Variants in SLC8A3 observed in about 807,000 individuals in gnomAD.
The protein encoded by SLC8A3 is solute carrier family 8 member A3, also known as sodium/calcium exchanger 3.
A neutral mutation model predicts 65.4 loss-of-function variants in SLC8A3; 37 were observed. The observed-to-expected ratio is 0.57, with a 90% CI of 0.44 to 0.74. The LOEUF (loss-of-function observed/expected upper bound fraction) is 0.74. SLC8A3 is among the 30% of genes least tolerant of loss of function. SLC8A3 has a pLI of 0.00. For missense variants in SLC8A3, 1,112 were observed against 1,172.1 expected, an observed-to-expected ratio of 0.95 and a Z score of 0.75; for synonymous variants, 461 against 444.5, an observed-to-expected ratio of 1.04 and a Z score of -0.47.
At chr14:70,131,753 C>T (rs777418991) in intron 2 of SLC8A3, among the ~76,000 whole-genome samples, 7 of 152,068 alleles carry the variant, frequency 4.6e-5, no homozygotes, top group East Asian at 1.9e-4. Flanking sequence ...ATTGTATATG[C>T]GTGAAAATCA....
chr14:70,124,430 C>T (rs1894298970), intron 2 of SLC8A3, among the ~76,000 whole-genome samples: 1 of 152,252 alleles, frequency 6.6e-6, no homozygotes, highest in Non-Finnish European at 1.5e-5. Flanking sequence ...CTGCTTCTCA[C>T]ATTGTCCCTT....
intron 2 of SLC8A3, among the ~76,000 whole-genome samples, chr14:70,162,517 T>A (rs949471490): frequency 1.3e-5 from 2 of 152,204 alleles, no homozygotes; most frequent in African/African-American, 2.4e-5. Context: ...TTATAATAGA[T>A]CTTGGCATTT....
rs537498371 is a variant in SLC8A3 at position 70,174,171 on chromosome 14, C to T, written c.-62-5687G>A. On this transcript the variant is annotated intron_variant, in intron 1 of 6. Coordinates refer to ENST00000356921, the MANE Select transcript of SLC8A3 (RefSeq NM_182932.3). Reference sequence around the variant, plus strand: ...GCTTGACACATACCCTAGGTTTGAGCGCCCCTTCGAGCAAAGGCTCAAGGA... The same window carrying T: ...GCTTGACACATACCCTAGGTTTGAGTGCCCCTTCGAGCAAAGGCTCAAGGA... Among the ~76,000 whole-genome samples the T allele has an allele frequency of 2.0e-5, 3 of 152,316 alleles. No homozygotes were observed. In the South Asian group the frequency reaches 6.2e-4, roughly 32 times the overall value.
intron 2 of SLC8A3, among the ~76,000 whole-genome samples, chr14:70,099,801 G>T (rs1892444613): frequency 6.6e-6 from 1 of 152,212 alleles, no homozygotes; most frequent in Non-Finnish European, 1.5e-5. Flanking sequence ...TGCTTCCCAT[G>T]GGTGCAGGGA....
At position 70,166,718 on chromosome 14, in the gene SLC8A3, C is replaced by T; in HGVS notation, c.1705G>A (p.Val569Ile). ...RGTVIVPFRTVEGTAKGGGED... is the reference protein window; with the variant it reads ...RGTVIVPFRTIEGTAKGGGED... The stretch of plus-strand genomic sequence containing the variant: ...CCGCCACCCTTGGCTGTCCCTTCTA[C>T]TGTCCTAAAGGGGACGATGACTGTA... The change falls in exon 2 of 7, where the codon GTA (valine) becomes ATA (isoleucine). Residue 569 changes from valine (V) to isoleucine (I), a missense_variant. Coordinates refer to ENST00000356921, the MANE Select transcript of SLC8A3 (RefSeq NM_182932.3). 5 of 1,614,026 alleles carry T rather than the reference C, an allele frequency of 3.1e-6. No homozygotes were observed. Among genetic ancestry groups the T allele is most frequent in the Non-Finnish European group, 4.2e-6 (5 of 1,179,904 alleles).
chr14:70,066,024 C>T (rs1889386623), intron 2 of SLC8A3, among the ~76,000 whole-genome samples: 2 of 152,218 alleles, frequency 1.3e-5, no homozygotes, highest in Non-Finnish European at 1.5e-5. Context: ...CATAGCATGG[C>T]TCGTGCTGTT....
Position 70,168,378 on chromosome 14 carries a change from A to G in SLC8A3, c.45T>C (p.His15=). Residue 15 remains histidine (H), a synonymous_variant, in exon 2 of 7, where the codon CAT becomes CAC. Coordinates refer to ENST00000356921, the MANE Select transcript of SLC8A3 (RefSeq NM_182932.3). The stretch of plus-strand genomic sequence containing the variant: ...AGAGCACAAAGGTAACCAGCCCAAA[A>G]TGGAGGAAGGCAGAGGTGAGAGGCT... ...RLQPLTSAFL[H]FGLVTFVLFL... The G allele has an allele frequency of 6.2e-7, 1 of 1,614,118 alleles. No individual in the cohort carries two copies.
In SLC8A3 at chr14:70,145,679, A is replaced by G. The variant is rs75880065; in HGVS notation, c.1784+20960T>C. ...TTTTCTGTTTTCCTTTGGGGAAATA[A>G]AAGTCTATGTGGGAGGAAGGGGACA... On this transcript the variant is annotated intron_variant, in intron 2 of 6. Transcript: ENST00000356921. Among the ~76,000 whole-genome samples, 666 of 152,302 alleles carry G rather than the reference A, an allele frequency of 4.4e-3. 8 individuals are homozygous for G. Among genetic ancestry groups the G allele is most frequent in the African/African-American group, 0.013 (542 of 41,570 alleles).
At position 70,052,102 on chromosome 14, in the gene SLC8A3, C is replaced by T. The variant is rs1887581776; in HGVS notation, c.1901G>A (p.Arg634Lys). ...CTCCTCTTCTTCCATAGTCAGCTTC[C>T]TGTCTGTCACATCTGCAACAAAACA... is the stretch of plus-strand genomic sequence containing the variant. ...MERGISDVTD[R>K]KLTMEEEEAK... Residue 634 changes from arginine to lysine, a missense_variant, in exon 4 of 7, where the codon AGG (arginine) becomes AAG (lysine). Physicochemically the swap from Arg to Lys is conservative, Grantham distance 26. Transcript: ENST00000356921. 1 of 1,600,378 alleles carries T rather than the reference C, an allele frequency of 6.2e-7. No individual in the cohort carries two copies. The highest frequency in any genetic ancestry group is 1.8e-5 in the Admixed American group (1 of 56,520).
chr14:70,094,611 C>A (rs533822273), intron 2 of SLC8A3, among the ~76,000 whole-genome samples: 1 of 152,344 alleles, frequency 6.6e-6, no homozygotes, highest in South Asian at 2.1e-4. Context: ...ACAGCATGAG[C>A]TATACTCCTT....
At chr14:70,099,498 C>A (rs2140100084) in intron 2 of SLC8A3, among the ~76,000 whole-genome samples, 1 of 152,282 alleles carries the variant, frequency 6.6e-6, no homozygotes, top group Middle Eastern at 3.4e-3. Context: ...CTCATTGAGT[C>A]TCAGTTTTCC....
chr14:70,172,336 C>T (rs1259718462), intron 1 of SLC8A3, among the ~76,000 whole-genome samples: 1 of 152,184 alleles, frequency 6.6e-6, no homozygotes, highest in Non-Finnish European at 1.5e-5. Context: ...AAGTCATTTA[C>T]TCAAAGTACA....
chr14:70,100,372 CT>C (rs1892480412), intron 2 of SLC8A3, among the ~76,000 whole-genome samples: 1 of 152,220 alleles, frequency 6.6e-6, no homozygotes, highest in Admixed American at 6.5e-5. Flanking sequence ...ACATTCACTT[CT>C]ACTTAGGGAC....
chr14:70,129,894 C>T (rs752938735), intron 2 of SLC8A3, among the ~76,000 whole-genome samples: 27 of 152,232 alleles, frequency 1.8e-4, no homozygotes, highest in Admixed American at 3.3e-4. Flanking sequence ...TATTTTCACG[C>T]ATCTTCTACG....
intron 2 of SLC8A3, among the ~76,000 whole-genome samples, chr14:70,132,556 C>A (rs745795078): frequency 6.6e-6 from 1 of 152,134 alleles, no homozygotes; most frequent in Non-Finnish European, 1.5e-5. Flanking sequence ...GCTCTGGCTG[C>A]GGTGACCTGC....
chr14:70,164,520 C>T (rs1254027292), intron 2 of SLC8A3, among the ~76,000 whole-genome samples: 1 of 152,210 alleles, frequency 6.6e-6, no homozygotes, highest in Non-Finnish European at 1.5e-5. Context: ...CAGAAGTGAT[C>T]ATTTGCGAGG....
intron 2 of SLC8A3, among the ~76,000 whole-genome samples, chr14:70,073,494 G>T (rs1462201766): frequency 6.6e-6 from 1 of 152,068 alleles, no homozygotes; most frequent in Non-Finnish European, 1.5e-5. Flanking sequence ...ATATATATAT[G>T]CATGCCAGTA....
chr14:70,068,232 G>C (rs1208745328), intron 2 of SLC8A3, among the ~76,000 whole-genome samples: 2 of 152,136 alleles, frequency 1.3e-5, no homozygotes, highest in South Asian at 4.1e-4. Context: ...AGTGAAAGTG[G>C]GAGTAAGCAG....
At chr14:70,111,914 T>C (rs1053068858) in intron 2 of SLC8A3, among the ~76,000 whole-genome samples, 5 of 152,140 alleles carry the variant, frequency 3.3e-5, no homozygotes, top group African/African-American at 1.2e-4. Flanking sequence ...CTGAAAGACA[T>C]CAGCAATGCC....
Sources: gnomAD v4.1 joint callset for allele counts (sites outside exome capture counted in the v4.1 genomes callset) on GRCh38, gnomAD v4.1.1 for gene constraint, MANE v1.5 for transcripts, NCBI Gene and HGNC (gene_info 2026-07-23, HGNC 2026-07-21) for gene names.